ZSCAN5A: variants seen among roughly 807,000 people sequenced by gnomAD.
ZSCAN5A encodes the protein zinc finger and SCAN domain-containing protein 5A.
In ZSCAN5A, 12 loss-of-function variants were observed where a neutral mutation model predicts 23.7. The observed-to-expected ratio is 0.51, with a 90% CI of 0.32 to 0.82. The LOEUF is 0.82. Ranked by LOEUF, ZSCAN5A falls within the 40% of genes least tolerant of loss-of-function variation. The pLI is 0.03. For synonymous variants in ZSCAN5A, 257 were observed against 239.9 expected, an observed-to-expected ratio of 1.07 and a Z score of -0.66; for missense variants, 597 against 617.9, an observed-to-expected ratio of 0.97 and a Z score of 0.36.
chr19:56,336,417 C>T (rs927885284), intron 2 of ZSCAN5A, among the ~76,000 whole-genome samples: 54 of 152,272 alleles, frequency 3.5e-4, no homozygotes, highest in South Asian at 8.3e-4. Flanking sequence ...GTTCTCATGC[C>T]GTGGTTTTCA....
chr19:56,285,489 C>T (rs1254202084), intron 2 of ZSCAN5A, among the ~76,000 whole-genome samples: 1 of 152,166 alleles, frequency 6.6e-6, no homozygotes, highest in African/African-American at 2.4e-5. Flanking sequence ...AGAAATGCTT[C>T]GTGTGTACTC....
chr19:56,311,209 T>TA (rs1431592323), intron 2 of ZSCAN5A, among the ~76,000 whole-genome samples: 7 of 151,870 alleles, frequency 4.6e-5, no homozygotes, highest in Non-Finnish European at 8.8e-5. Flanking sequence ...CTCACTGCAT[T>TA]AAAAAAAAGA....
intron 2 of ZSCAN5A, chr19:56,302,944 G>C (rs1600238388): frequency 2.5e-6 from 1 of 398,470 alleles, no homozygotes; most frequent in Non-Finnish European, 4.4e-6. Context: ...GACATCCACA[G>C]AGAGAACCAG....
intron 2 of ZSCAN5A, among the ~76,000 whole-genome samples, chr19:56,349,394 T>C (rs1228513096): frequency 6.6e-6 from 1 of 151,844 alleles, no homozygotes; most frequent in African/African-American, 2.4e-5. Flanking sequence ...TCAATATCAG[T>C]GTGAAGAAAT....
intron 2 of ZSCAN5A, among the ~76,000 whole-genome samples, chr19:56,303,339 A>G (rs750666188): frequency 2.0e-5 from 3 of 152,020 alleles, no homozygotes; most frequent in South Asian, 2.1e-4. Flanking sequence ...ATAGCCGGGC[A>G]TGGTGGCGCA....
At chr19:56,283,305 T>G (rs1371071719) in intron 2 of ZSCAN5A, 2 of 152,180 alleles carry the variant, frequency 1.3e-5, no homozygotes, top group African/African-American at 4.8e-5. Flanking sequence ...CTAACTTTAC[T>G]AAATGTTACC....
chr19:56,247,857 A>C (rs2036055478), intron 2 of ZSCAN5A, among the ~76,000 whole-genome samples: 1 of 151,916 alleles, frequency 6.6e-6, no homozygotes, highest in Non-Finnish European at 1.5e-5. Flanking sequence ...ATGCCCGGCT[A>C]ATTTTTTGTA....
Position 56,223,827 on chromosome 19 carries a change from A to T in ZSCAN5A, c.392T>A (p.Val131Asp). The part of the protein sequence containing the change: ...NNRRPKKWSV[V>D]TFHGKEYIVQ... ...AATATATTCCTTTCCGTGGAAGGTG[A>T]CCACAGACTGTAGAGAGAAAAAAGA... The change falls in exon 4 of 6, where the codon GTC (valine) becomes GAC (aspartate). Residue 131 changes from valine (V) to aspartate (D), a missense_variant. Transcript: ENST00000683990. 1 of 1,611,294 alleles carries T rather than the reference A, an allele frequency of 6.2e-7. No homozygotes were observed. Among genetic ancestry groups the T allele is most frequent in the Non-Finnish European group, 8.5e-7 (1 of 1,179,860 alleles).
intron 2 of ZSCAN5A, among the ~76,000 whole-genome samples, chr19:56,324,947 A>G (rs2041419262): frequency 6.6e-6 from 1 of 152,236 alleles, no homozygotes; most frequent in Non-Finnish European, 1.5e-5. Flanking sequence ...CCAGTCGTGA[A>G]GGGCCCTTGT....
intron 2 of ZSCAN5A, among the ~76,000 whole-genome samples, chr19:56,332,136 C>T (rs1188179588): frequency 6.6e-6 from 1 of 152,116 alleles, no homozygotes; most frequent in Non-Finnish European, 1.5e-5. Flanking sequence ...AGAATGTGCA[C>T]TCTGTAGTTG....
chr19:56,310,064 G>GT (rs2040940174), intron 2 of ZSCAN5A: 1 of 152,436 alleles, frequency 6.6e-6, no homozygotes, highest in Non-Finnish European at 1.5e-5. Flanking sequence ...CAGGCAAGGA[G>GT]TATGAGAATG....
chr19:56,299,467 A>C (rs2040090715), intron 2 of ZSCAN5A, among the ~76,000 whole-genome samples: 1 of 152,036 alleles, frequency 6.6e-6, no homozygotes, highest in Non-Finnish European at 1.5e-5. Context: ...AATCTCAGCT[A>C]GCTAGGAGTA....
chr19:56,333,625 T>C (rs2041508997), intron 2 of ZSCAN5A, among the ~76,000 whole-genome samples: 1 of 152,146 alleles, frequency 6.6e-6, no homozygotes, highest in South Asian at 2.1e-4. Context: ...TTTGAATTTT[T>C]TGAGAGCTTC....
At chr19:56,246,844 A>G (rs1217226656) in intron 2 of ZSCAN5A, 2 of 1,611,632 alleles carry the variant, frequency 1.2e-6, no homozygotes, top group South Asian at 2.2e-5. Context: ...TTCGACTCAC[A>G]GCGGGAGCAG....
At chr19:56,320,639 G>T in intron 2 of ZSCAN5A, 1 of 731,094 alleles carries the variant, frequency 1.4e-6, no homozygotes, top group Non-Finnish European at 2.6e-6. Context: ...ATAATAATAA[G>T]CCAGGCGAGT....
Position 56,260,181 on chromosome 19 carries a change from T to C in ZSCAN5A, c.-127-35008A>G, listed in dbSNP as rs893549684. 1.6e-4 allele frequency among the ~76,000 whole-genome samples: 24 copies of C among 151,854 alleles called. 1 individual carries two copies. The highest frequency in any genetic ancestry group is 5.1e-4 in the African/African-American group (21 of 41,490). ...ATTAGAGAATATTTTGGGAAATATATAGATTTTGTTTTAGTAATTAAATAT... is the reference window on the plus strand; with the variant it reads ...ATTAGAGAATATTTTGGGAAATATACAGATTTTGTTTTAGTAATTAAATAT... On this transcript the variant is annotated intron_variant, in intron 2 of 5. Transcript: ENST00000683990.
chr19:56,302,434 TCC>T (rs1317039368), intron 2 of ZSCAN5A, among the ~76,000 whole-genome samples: 4,025 of 112,990 alleles, frequency 0.036, 192 homozygotes, highest in African/African-American at 0.12. Context: ...CTTTCTCCCT[TCC>T]TTCCTTTCTT....
intron 2 of ZSCAN5A, chr19:56,320,983 G>T (rs529156295): frequency 1.4e-6 from 1 of 718,182 alleles, no homozygotes; most frequent in Non-Finnish European, 2.6e-6. Flanking sequence ...GGGTATCTTC[G>T]CCACAGACCG....
chr19:56,280,224 T>A (rs1475986497), intron 2 of ZSCAN5A, among the ~76,000 whole-genome samples: 1 of 152,250 alleles, frequency 6.6e-6, no homozygotes, highest in Non-Finnish European at 1.5e-5. Flanking sequence ...TTTTTTCACC[T>A]AATAATACTT....
Sources: allele counts gnomAD v4.1 joint callset (sites outside exome capture counted in the v4.1 genomes callset), GRCh38; gene constraint gnomAD v4.1.1; transcripts MANE v1.5; gene names NCBI Gene and HGNC (gene_info 2026-07-23, HGNC 2026-07-21).